HCN1: variants seen among roughly 807,000 people sequenced by gnomAD.
The protein encoded by HCN1 is potassium/sodium hyperpolarization-activated cyclic nucleotide-gated channel 1.
In HCN1, 13 loss-of-function variants were observed where a neutral mutation model predicts 78.9. That is an observed-to-expected ratio of 0.16 (90% CI 0.11 to 0.26). The LOEUF is 0.26. HCN1 is among the 10% of genes least tolerant of loss of function. The pLI is 1.00. For synonymous variants in HCN1, 552 were observed against 455.5 expected (o/e 1.21, Z -2.70); for missense variants, 810 against 1,154.3 (o/e 0.70, Z 4.32).
At chr5:45,454,571 C>T (rs2111607738) in intron 3 of HCN1, among the ~76,000 whole-genome samples, 1 of 151,852 alleles carries the variant, frequency 6.6e-6, no homozygotes, top group Non-Finnish European at 1.5e-5. Context: ...CAGAATAATA[C>T]AATTTCTAAG....
At chr5:45,510,033 T>C (rs1742380489) in intron 2 of HCN1, among the ~76,000 whole-genome samples, 1 of 152,108 alleles carries the variant, frequency 6.6e-6, no homozygotes, top group South Asian at 2.1e-4. Context: ...AATTGAATTA[T>C]ACCAAACACT....
intron 4 of HCN1, among the ~76,000 whole-genome samples, chr5:45,381,387 A>G (rs1432306041): frequency 1.3e-5 from 2 of 152,078 alleles, no homozygotes; most frequent in Non-Finnish European, 2.9e-5. Context: ...ACTTTCTACT[A>G]CATCCTCTCT....
At chr5:45,436,781 T>A (rs912989140) in intron 3 of HCN1, among the ~76,000 whole-genome samples, 9 of 152,172 alleles carry the variant, frequency 5.9e-5, no homozygotes, top group African/African-American at 2.2e-4. Flanking sequence ...TCTATTCACA[T>A]AGTCAGTTAT....
At chr5:45,305,360 T>A (rs1271955629) in intron 5 of HCN1, among the ~76,000 whole-genome samples, 1 of 152,192 alleles carries the variant, frequency 6.6e-6, no homozygotes, top group Non-Finnish European at 1.5e-5. Flanking sequence ...CAATATTTTA[T>A]GAGTTTAGCA....
At chr5:45,502,681 A>G (rs1742214292) in intron 2 of HCN1, among the ~76,000 whole-genome samples, 1 of 152,196 alleles carries the variant, frequency 6.6e-6, no homozygotes, top group Non-Finnish European at 1.5e-5. Context: ...TTGTAAATAA[A>G]ATAAAATTGT....
chr5:45,366,441 C>T (rs112695905), intron 4 of HCN1, among the ~76,000 whole-genome samples: 1,912 of 151,598 alleles, frequency 0.013, 7 homozygotes, highest in African/African-American at 0.024. Flanking sequence ...TATGAAAATG[C>T]GTTAAAAACA....
At chr5:45,321,306 G>A (rs6895055) in intron 5 of HCN1, among the ~76,000 whole-genome samples, 49,158 of 151,558 alleles carry the variant, frequency 0.32, 10,310 homozygotes, top group African/African-American at 0.58. Flanking sequence ...ATTCCTGGGG[G>A]AAAAACAACG....
At chr5:45,688,761 TA>T (rs1739853736) in intron 1 of HCN1, among the ~76,000 whole-genome samples, 1 of 151,942 alleles carries the variant, frequency 6.6e-6, no homozygotes, top group Non-Finnish European at 1.5e-5. Flanking sequence ...ATGAATAAAT[TA>T]AAGGTAGTAT....
intron 3 of HCN1, among the ~76,000 whole-genome samples, chr5:45,451,473 T>C (rs1455838811): frequency 6.6e-6 from 1 of 152,048 alleles, no homozygotes; most frequent in African/African-American, 2.4e-5. Context: ...ATTTCTTTTC[T>C]CTTCTTTTTC....
chr5:45,476,617 C>G (rs1034394233), intron 2 of HCN1, among the ~76,000 whole-genome samples: 1 of 152,082 alleles, frequency 6.6e-6, no homozygotes, highest in Non-Finnish European at 1.5e-5. Flanking sequence ...AAATCCCTTC[C>G]TTATATGTTC....
At chr5:45,438,836 C>G (rs2112084294) in intron 3 of HCN1, among the ~76,000 whole-genome samples, 1 of 152,102 alleles carries the variant, frequency 6.6e-6, no homozygotes, top group South Asian at 2.1e-4. Flanking sequence ...AGTAAAGGAA[C>G]AAGTAGAAAA....
rs192421018 is a variant in HCN1, at chr5:45,446,645, C to T, written c.1011+15201G>A. Among the ~76,000 whole-genome samples, 436 of 152,156 alleles carry T rather than the reference C, an allele frequency of 2.9e-3. 3 individuals carry two copies. Among genetic ancestry groups the T allele is most frequent in the African/African-American group, 9.7e-3 (402 of 41,518 alleles). On this transcript the variant is annotated intron_variant, in intron 3 of 7. Transcript: ENST00000303230. ...TTAAGGGCAGCCAGAGAGAAAGGTCCGGTTACCCTCAAAGGGAAGCCCATC... is the reference window on the plus strand; with the variant it reads ...TTAAGGGCAGCCAGAGAGAAAGGTCTGGTTACCCTCAAAGGGAAGCCCATC...
At chr5:45,593,202 G>A (rs1264087087) in intron 2 of HCN1, among the ~76,000 whole-genome samples, 1 of 107,296 alleles carries the variant, frequency 9.3e-6, no homozygotes, top group African/African-American at 2.9e-5. Flanking sequence ...ACGCGCGCAT[G>A]CACGCACGCG....
intron 2 of HCN1, among the ~76,000 whole-genome samples, chr5:45,602,828 T>C (rs1014268013): frequency 6.6e-6 from 1 of 152,088 alleles, no homozygotes; most frequent in Non-Finnish European, 1.5e-5. Flanking sequence ...AAATTTAGGT[T>C]CTTTTGTGAT....
At position 45,651,120 on chromosome 5, in the gene HCN1, C is replaced by T. The variant is rs376531812; in HGVS notation, c.426-5512G>A. On this transcript the variant is annotated intron_variant, in intron 1 of 7. Transcript: ENST00000303230. ...AATATTTATGGTTAATTTCCTGACA[C>T]GGTACCAGATTTACAGTCGCTCCTA... is the stretch of plus-strand genomic sequence containing the variant. Among the ~76,000 whole-genome samples, 139 of 152,064 alleles carry T rather than the reference C, an allele frequency of 9.1e-4. No individual in the cohort carries two copies. In the South Asian group the frequency reaches 9.5e-3, roughly 10 times the overall value.
intron 4 of HCN1, among the ~76,000 whole-genome samples, chr5:45,366,445 A>G (rs913481843): frequency 6.6e-6 from 1 of 151,818 alleles, no homozygotes; most frequent in African/African-American, 2.4e-5. Context: ...AAAATGCGTT[A>G]AAAACAGTAA....
At chr5:45,288,178 A>G (rs1745304455) in intron 6 of HCN1, among the ~76,000 whole-genome samples, 1 of 151,920 alleles carries the variant, frequency 6.6e-6, no homozygotes, top group South Asian at 2.1e-4. Flanking sequence ...GACAATTTCT[A>G]CTTTATTTCA....
At chr5:45,311,163 C>G (rs1376097502) in intron 5 of HCN1, among the ~76,000 whole-genome samples, 1 of 152,024 alleles carries the variant, frequency 6.6e-6, no homozygotes, top group Non-Finnish European at 1.5e-5. Flanking sequence ...CACCCTTGAA[C>G]TTAAAATGAA....
At chr5:45,458,199 T>C (rs1036141296) in intron 3 of HCN1, among the ~76,000 whole-genome samples, 1 of 151,888 alleles carries the variant, frequency 6.6e-6, no homozygotes, top group Admixed American at 6.6e-5. Context: ...ATCTAGCTAG[T>C]GGGATACAGA....
Sources: allele counts gnomAD v4.1 joint callset (sites outside exome capture counted in the v4.1 genomes callset), GRCh38; gene constraint gnomAD v4.1.1; transcripts MANE v1.5; gene names NCBI Gene and HGNC (gene_info 2026-07-23, HGNC 2026-07-21).